HDAC9: variants seen among roughly 807,000 people sequenced by gnomAD.
HDAC9 encodes MEF-2 interacting transcription repressor (MITR) protein.
A neutral mutation model predicts 139.4 loss-of-function variants in HDAC9; 41 were observed. That is an observed-to-expected ratio of 0.29 (90% CI 0.23 to 0.38). The LOEUF is 0.38. Among genes scored for constraint, HDAC9 ranks in the 10% least tolerant of loss-of-function variants. The pLI is 1.00. For missense variants in HDAC9, 1,147 were observed against 1,297.0 expected, an observed-to-expected ratio of 0.88 and a Z score of 1.78; for synonymous variants, 517 against 476.2, an observed-to-expected ratio of 1.09 and a Z score of -1.12.
At chr7:18,205,471 G>T (rs959754076) in intron 2 of HDAC9, among the ~76,000 whole-genome samples, 1 of 151,932 alleles carries the variant, frequency 6.6e-6, no homozygotes, top group South Asian at 2.1e-4. Flanking sequence ...TGGAAAAACA[G>T]ACATGTAAAA....
At chr7:18,634,963 CATAA>C (rs1423792196) in intron 8 of HDAC9, among the ~76,000 whole-genome samples, 9 of 151,946 alleles carry the variant, frequency 5.9e-5, no homozygotes, top group African/African-American at 1.7e-4. Flanking sequence ...TATTAGCTGA[CATAA>C]ATAAATATCA....
At chr7:18,151,232 A>G (rs1352101923) in intron 1 of HDAC9, among the ~76,000 whole-genome samples, 1 of 152,212 alleles carries the variant, frequency 6.6e-6, no homozygotes, top group Non-Finnish European at 1.5e-5. Context: ...CTCAGGGGGA[A>G]TAGATGTCTT....
chr7:18,393,525 A>G (rs2128725851), intron 1 of HDAC9, among the ~76,000 whole-genome samples: 1 of 152,236 alleles, frequency 6.6e-6, no homozygotes, highest in African/African-American at 2.4e-5. Context: ...AAGTTTTTAA[A>G]AGGATGGATG....
chr7:18,571,920 G>A (rs1824417733), intron 2 of HDAC9, among the ~76,000 whole-genome samples: 1 of 151,360 alleles, frequency 6.6e-6, no homozygotes, highest in East Asian at 1.9e-4. Flanking sequence ...GTTTTGTGCT[G>A]GCTAAAGGTA....
At chr7:18,928,924 C>T (rs10229723) in intron 22 of HDAC9, among the ~76,000 whole-genome samples, 23,810 of 151,670 alleles carry the variant, frequency 0.16, 2,368 homozygotes, top group East Asian at 0.36. Context: ...TTTCTATCAT[C>T]TTCCAAATTT....
At chr7:18,733,278 A>G (rs951456838) in intron 13 of HDAC9, among the ~76,000 whole-genome samples, 2 of 97,464 alleles carry the variant, frequency 2.1e-5, no homozygotes, top group Non-Finnish European at 4.6e-5. Flanking sequence ...ACAGGTATAT[A>G]TGTGTATATA....
intron 22 of HDAC9, among the ~76,000 whole-genome samples, chr7:18,934,558 A>G (rs1242945654): frequency 1.3e-5 from 2 of 152,200 alleles, no homozygotes; most frequent in Non-Finnish European, 2.9e-5. Flanking sequence ...AAATAATTAG[A>G]TTAAATTACA....
intron 1 of HDAC9, among the ~76,000 whole-genome samples, chr7:18,113,878 A>G (rs994799991): frequency 2.5e-4 from 38 of 152,298 alleles, no homozygotes; most frequent in African/African-American, 8.4e-4. Context: ...TATCCTAAAT[A>G]TTCATAGAGA....
intron 1 of HDAC9, among the ~76,000 whole-genome samples, chr7:18,362,277 A>G (rs1053085379): frequency 1.3e-5 from 2 of 152,206 alleles, no homozygotes; most frequent in African/African-American, 4.8e-5. Flanking sequence ...CAGAATAGAA[A>G]TCTGTGATGC....
chr7:18,583,011 T>G (rs1828298061), intron 2 of HDAC9, among the ~76,000 whole-genome samples: 1 of 152,186 alleles, frequency 6.6e-6, no homozygotes, highest in African/African-American at 2.4e-5. Context: ...TCTTTACTAG[T>G]GAAGGTGATT....
At chr7:18,397,789 C>A (rs1364049865) in intron 1 of HDAC9, among the ~76,000 whole-genome samples, 1 of 152,132 alleles carries the variant, frequency 6.6e-6, no homozygotes, top group Non-Finnish European at 1.5e-5. Flanking sequence ...GTTTGAAAGA[C>A]AGAAATTCCA....
intron 2 of HDAC9, among the ~76,000 whole-genome samples, chr7:18,253,246 T>C (rs941241274): frequency 3.9e-5 from 6 of 152,220 alleles, no homozygotes; most frequent in African/African-American, 1.4e-4. Context: ...TAGAACAATT[T>C]ATATTCTTTT....
intron 2 of HDAC9, among the ~76,000 whole-genome samples, chr7:18,553,931 A>G (rs1221173882): frequency 2.0e-5 from 3 of 152,120 alleles, no homozygotes; most frequent in African/African-American, 7.2e-5. Flanking sequence ...CTGGCTCAGT[A>G]TTTCTTATGA....
chr7:18,355,032 A>AT (rs1037064742), intron 1 of HDAC9, among the ~76,000 whole-genome samples: 2 of 152,154 alleles, frequency 1.3e-5, no homozygotes, highest in Admixed American at 6.5e-5. Context: ...ATTGTCAGTC[A>AT]TTTTTTCTAC....
intron 22 of HDAC9, among the ~76,000 whole-genome samples, chr7:18,925,168 G>A (rs979176301): frequency 1.3e-5 from 2 of 152,140 alleles, no homozygotes; most frequent in African/African-American, 4.8e-5. Flanking sequence ...CACTGTGATT[G>A]TAGTACTAAT....
chr7:18,575,462 C>T (rs1029989312), intron 2 of HDAC9, among the ~76,000 whole-genome samples: 1 of 152,118 alleles, frequency 6.6e-6, no homozygotes, highest in Non-Finnish European at 1.5e-5. Context: ...ACGGTGTGAC[C>T]TATACTGGGT....
intron 1 of HDAC9, among the ~76,000 whole-genome samples, chr7:18,104,254 T>G (rs998370601): frequency 6.6e-6 from 1 of 152,226 alleles, no homozygotes. Context: ...TATTTTTTTT[T>G]TTGTTTATAA....
chr7:18,915,251 A>G lies in HDAC9; in HGVS notation c.2804-20558A>G, dbSNP rs151039623. Among the ~76,000 whole-genome samples the G allele has an allele frequency of 1.5e-3, 222 of 152,176 alleles. 2 individuals carry two copies. The highest frequency in any genetic ancestry group is 5.1e-3 in the African/African-American group (211 of 41,560). ...AAAACCAAGTAGACATTTTCTTTAG[A>G]TTGCCTGAAAATTTAAGGTACATTT... is the stretch of plus-strand genomic sequence containing the variant. On this transcript the variant is annotated intron_variant, in intron 22 of 25. Coordinates refer to ENST00000686413, the MANE Select transcript of HDAC9 (RefSeq NM_178425.4).
At chr7:18,402,380 T>C (rs1366606240) in intron 1 of HDAC9, among the ~76,000 whole-genome samples, 1 of 152,276 alleles carries the variant, frequency 6.6e-6, no homozygotes, top group Admixed American at 6.5e-5. Flanking sequence ...TAGGAATCTT[T>C]AAGCCAGAAA....
Sources: gnomAD v4.1 joint callset for allele counts (sites outside exome capture counted in the v4.1 genomes callset) on GRCh38, gnomAD v4.1.1 for gene constraint, MANE v1.5 for transcripts, NCBI Gene and HGNC (gene_info 2026-07-23, HGNC 2026-07-21) for gene names.